ZSWIM6: variants seen among roughly 807,000 people sequenced by gnomAD.
ZSWIM6 encodes zinc finger SWIM domain-containing protein 6.
ZSWIM6 carries 9 observed loss-of-function variants against 113.2 expected under a neutral mutation model. That is an observed-to-expected ratio of 0.08 (90% CI 0.05 to 0.14). The LOEUF (loss-of-function observed/expected upper bound fraction) is 0.14, where lower values mean the gene tolerates loss of function less well. ZSWIM6 is among the 10% of genes least tolerant of loss of function. ZSWIM6 has a pLI of 1.00. For synonymous variants in ZSWIM6, 611 were observed against 606.5 expected (o/e 1.01, Z -0.11); for missense variants, 1,162 against 1,552.2 (o/e 0.75, Z 4.22).
intron 1 of ZSWIM6, among the ~76,000 whole-genome samples, chr5:61,423,654 TG>T (rs1746400934): frequency 1.3e-5 from 2 of 152,110 alleles, no homozygotes; most frequent in Admixed American, 1.3e-4. Flanking sequence ...GTAAGTTCAC[TG>T]TGTTTATTCC....
At chr5:61,463,853 C>A (rs374503145) in intron 1 of ZSWIM6, among the ~76,000 whole-genome samples, 1 of 152,108 alleles carries the variant, frequency 6.6e-6, no homozygotes, top group Non-Finnish European at 1.5e-5. Context: ...GATGTACTTT[C>A]GAGGGCCTGG....
chr5:61,451,664 C>T (rs950212884), intron 1 of ZSWIM6, among the ~76,000 whole-genome samples: 3 of 152,228 alleles, frequency 2.0e-5, no homozygotes, highest in Admixed American at 6.5e-5. Context: ...ATGGAGAAGG[C>T]AGATTTCTCA....
intron 1 of ZSWIM6, among the ~76,000 whole-genome samples, chr5:61,453,889 T>C (rs1230374224): frequency 1.3e-5 from 2 of 152,090 alleles, no homozygotes; most frequent in Non-Finnish European, 2.9e-5. Flanking sequence ...TTTGAGGCTA[T>C]GCAGATATTC....
intron 1 of ZSWIM6, among the ~76,000 whole-genome samples, chr5:61,399,613 C>T (rs1745906237): frequency 6.6e-6 from 1 of 152,148 alleles, no homozygotes; most frequent in African/African-American, 2.4e-5. Flanking sequence ...TGTACAGTAT[C>T]AGTGTACATT....
chr5:61,334,242 CCT>C (rs1322257632), intron 1 of ZSWIM6, among the ~76,000 whole-genome samples: 2 of 152,084 alleles, frequency 1.3e-5, no homozygotes, highest in African/African-American at 4.8e-5. Context: ...TTCTTTTTCC[CCT>C]GTCCAGATCT....
intron 1 of ZSWIM6, chr5:61,375,510 G>C: frequency 6.4e-7 from 1 of 1,554,858 alleles, no homozygotes; most frequent in Admixed American, 1.9e-5. Flanking sequence ...AACAGAGAAA[G>C]AAAAAGAAGA....
At chr5:61,526,535 CTGATCTGT>C in intron 7 of ZSWIM6, 139 bp downstream of exon 7, 2 of 1,057,464 alleles carry the variant, frequency 1.9e-6, no homozygotes, top group Non-Finnish European at 2.6e-6. Context: ...AAAATAATGG[CTGATCTGT>C]GAGAAATTTG....
chr5:61,450,379 T>C (rs1364641474), intron 1 of ZSWIM6, among the ~76,000 whole-genome samples: 1 of 152,148 alleles, frequency 6.6e-6, no homozygotes, highest in Non-Finnish European at 1.5e-5. Context: ...TCCATTCTGC[T>C]GGGAAAGGGA....
intron 1 of ZSWIM6, among the ~76,000 whole-genome samples, chr5:61,410,496 G>A (rs530896962): frequency 4.0e-4 from 61 of 151,962 alleles, no homozygotes; most frequent in African/African-American, 1.4e-3. Context: ...TTTTAGTAGA[G>A]ATGGGGTTTC....
rs555750978 is a variant in ZSWIM6, at chr5:61,531,632, A to G, written c.2152A>G (p.Asn718Asp). 6.4e-7 allele frequency: 1 copy of G among 1,551,720 alleles called. No individual in the cohort carries two copies. Among genetic ancestry groups the G allele is most frequent in the African/African-American group, 1.4e-5 (1 of 73,176 alleles). ...GTACACACAAGAGAAAGTTTGCCGG[A>G]ATGAGGAGCAGCTCATTTCTAAGCT... ...GLYTQEKVCR[N>D]EEQLISKLQE... The change falls in exon 9 of 14, where the codon AAT (asparagine) becomes GAT (aspartate). Residue 718 changes from asparagine (N) to aspartate (D), a missense_variant. Physicochemically the swap from Asn to Asp is conservative, Grantham distance 23. This residue lies in a region of ZSWIM6 where 620 missense variants were observed against 804.6 expected (regional missense o/e 0.77). Coordinates refer to ENST00000252744, the MANE Select transcript of ZSWIM6 (RefSeq NM_020928.2).
chr5:61,465,675 A>G (rs1747418793), intron 1 of ZSWIM6, among the ~76,000 whole-genome samples: 1 of 152,224 alleles, frequency 6.6e-6, no homozygotes, highest in South Asian at 2.1e-4. Context: ...AGTTGGGCCC[A>G]TCCAATGCAT....
At chr5:61,541,075 C>G (rs1170829138) in intron 12 of ZSWIM6, among the ~76,000 whole-genome samples, 1 of 151,996 alleles carries the variant, frequency 6.6e-6, no homozygotes, top group Non-Finnish European at 1.5e-5. Context: ...CCCTGAGTAG[C>G]TGGGACTACA....
intron 1 of ZSWIM6, among the ~76,000 whole-genome samples, chr5:61,336,615 C>T (rs1744403706): frequency 6.6e-6 from 1 of 151,986 alleles, no homozygotes; most frequent in Non-Finnish European, 1.5e-5. Flanking sequence ...AAAAATTAGG[C>T]ATCGTGGCAC....
Position 61,340,144 on chromosome 5 carries a change from A to AT in ZSWIM6, c.676+7204dup, listed in dbSNP as rs944760472. 3.9e-5 allele frequency among the ~76,000 whole-genome samples: 6 copies of AT among 151,988 alleles called. No homozygotes were observed. The East Asian group carries it at 7.7e-4, about 20-fold the overall frequency. ...TTCTTTAAAAATAGGACATTTCCTT[A>AT]TTTTTTTTCATCTAGAAAAGATCCC... is the stretch of plus-strand genomic sequence containing the variant. On this transcript the variant is annotated intron_variant, in intron 1 of 13. Transcript: ENST00000252744.
chr5:61,391,554 G>C, intron 1 of ZSWIM6: 1 of 976,076 alleles, frequency 1.0e-6, no homozygotes, highest in Non-Finnish European at 1.7e-6. Context: ...TGTGCTCAGC[G>C]AAGACAGTAT....
intron 4 of ZSWIM6, among the ~76,000 whole-genome samples, chr5:61,518,102 T>C (rs1749006849): frequency 1.3e-5 from 2 of 152,040 alleles, no homozygotes; most frequent in African/African-American, 2.4e-5. Context: ...TCCATGTCCC[T>C]ACAAAGGACA....
chr5:61,510,071 A>G (rs1487764168), intron 4 of ZSWIM6, among the ~76,000 whole-genome samples: 2 of 137,334 alleles, frequency 1.5e-5, no homozygotes, highest in Non-Finnish European at 3.2e-5. Flanking sequence ...TATTAGTTAA[A>G]TGAGGGAACT....
chr5:61,464,153 G>A (rs186981385), intron 1 of ZSWIM6, among the ~76,000 whole-genome samples: 10,589 of 125,096 alleles, frequency 0.085, 628 homozygotes, highest in Admixed American at 0.18. Context: ...CAACACACCC[G>A]GCTAATTTTT....
At position 61,332,742 on chromosome 5, in the gene ZSWIM6, C is replaced by G; in HGVS notation, c.470C>G (p.Ser157Cys). 1 of 935,846 alleles carries G rather than the reference C, an allele frequency of 1.1e-6. No individual in the cohort carries two copies. The highest frequency in any genetic ancestry group is 1.3e-6 in the Non-Finnish European group (1 of 797,732). The allele number at this position is 935,846 out of a possible 1,614,324, so 58.0% of individuals were successfully genotyped here. The part of the protein sequence containing the change: ...AGGGGGGGSS[S>C]SPAATSAAAT... ...GGCGGCGGCGGCGGCGGCTCCTCGT[C>G]TTCCCCGGCCGCAACCTCGGCGGCC... The change falls in exon 1 of 14, where the codon TCT becomes TGT. Residue 157 changes from serine (S) to cysteine (C), a missense_variant. By Grantham distance (112) the Ser-to-Cys change is moderately radical. Coordinates refer to ENST00000252744, the MANE Select transcript of ZSWIM6 (RefSeq NM_020928.2).
Sources: gnomAD v4.1 joint callset for allele counts (sites outside exome capture counted in the v4.1 genomes callset) on GRCh38, gnomAD v4.1.1 for gene constraint, gnomAD v4.1.1 regional missense constraint, MANE v1.5 for transcripts, NCBI Gene and HGNC (gene_info 2026-07-23, HGNC 2026-07-21) for gene names.